BCL9L: variants seen among roughly 807,000 people sequenced by gnomAD.
The protein encoded by BCL9L is B-cell CLL/lymphoma 9-like protein.
Under a neutral mutation model 99.4 loss-of-function variants are expected in BCL9L, and 19 were observed. That is an observed-to-expected ratio of 0.19 (90% CI 0.13 to 0.28). The LOEUF (loss-of-function observed/expected upper bound fraction) is 0.28. BCL9L is among the 10% of genes least tolerant of loss of function. BCL9L has a pLI of 1.00. For missense variants in BCL9L, 2,023 were observed against 2,101.6 expected (o/e 0.96, Z 0.73); for synonymous variants, 900 against 854.8 (o/e 1.05, Z -0.92).
Position 118,898,926 on chromosome 11 carries a change from A to G in BCL9L, c.3989T>C (p.Ile1330Thr). 2 of 1,612,812 alleles carry G rather than the reference A, an allele frequency of 1.2e-6. No individual in the cohort carries two copies. Among genetic ancestry groups the G allele is most frequent in the Non-Finnish European group, 1.7e-6 (2 of 1,179,144 alleles). Residue 1330 changes from isoleucine (I) to threonine (T), a missense_variant, in exon 10 of 10, where the codon ATC (isoleucine) becomes ACC (threonine). Physicochemically the swap from Ile to Thr is moderately conservative, Grantham distance 89. Around this residue, in one of 3 missense-constraint regions of BCL9L, gnomAD observed 902 missense variants for 888.2 expected, o/e 1.02. Coordinates refer to ENST00000683865, the MANE Select transcript of BCL9L (RefSeq NM_001378213.1). ...GGTGCTGCTTGGCTTCTCAGAGGGG[A>G]TGATCCTCGACAAGTCGAACTCGGG... ...GIPEFDLSRI[I>T]PSEKPSSTLQ...
At position 118,902,329 on chromosome 11, in the gene BCL9L, T is replaced by A. The variant is rs956244592; in HGVS notation, c.1414A>T (p.Met472Leu). The A allele has an allele frequency of 6.6e-7, 1 of 1,512,914 alleles. No individual in the cohort carries two copies. 93.7% of individuals were successfully genotyped at this position (1,512,914 alleles called of 1,614,324 possible). ...CCTAGGCTCTGTGTCTGTGAAATCATGGACTGCAAGGGTTCCTCATATTTC... is the reference window on the plus strand; with the variant it reads ...CCTAGGCTCTGTGTCTGTGAAATCAAGGACTGCAAGGGTTCCTCATATTTC... ...LKKYEEPLQS[M>L]ISQTQSLGGP... Residue 472 changes from methionine to leucine, a missense_variant, in exon 8 of 10, where the codon ATG (methionine) becomes TTG (leucine). Coordinates refer to ENST00000683865, the MANE Select transcript of BCL9L (RefSeq NM_001378213.1). The surrounding 1 kb of genome is among the most constrained non-coding windows in gnomAD (Gnocchi z 7.8).
chr11:118,913,587 C>T (rs953971402), intron 2 of BCL9L, among the ~76,000 whole-genome samples: 4 of 152,022 alleles, frequency 2.6e-5, no homozygotes, highest in Admixed American at 2.0e-4. Flanking sequence ...GGGTGGGGGG[C>T]ACAAGGAAAC....
rs1301675663 is a variant in BCL9L, at chr11:118,901,618, C to T, written c.2125G>A (p.Glu709Lys). 1.9e-6 allele frequency: 3 copies of T among 1,614,028 alleles called. No homozygotes were observed. The highest frequency in any genetic ancestry group is 2.5e-6 in the Non-Finnish European group (3 of 1,180,022). ...TGTCGGTGCGCCTGCATCATCCGCT[C>T]CATCTCCATGCTCTGTCCCATGCCA... ...GSGMGQSMEM[E>K]RMMQAHRQMD... The change falls in exon 8 of 10, where the codon GAG (glutamate) becomes AAG (lysine). Residue 709 changes from glutamate to lysine, a missense_variant. Physicochemically the swap from Glu to Lys is moderately conservative, Grantham distance 56. Around this residue, in one of 3 missense-constraint regions of BCL9L, gnomAD observed 1,116 missense variants for 1,194.6 expected, o/e 0.93. Coordinates refer to ENST00000683865, the MANE Select transcript of BCL9L (RefSeq NM_001378213.1). The surrounding 1 kb of genome is among the most constrained non-coding windows in gnomAD (Gnocchi z 6.6).
intron 1 of BCL9L, among the ~76,000 whole-genome samples, chr11:118,920,949 GGAA>G (rs1385120740): frequency 6.6e-6 from 1 of 152,090 alleles, no homozygotes; most frequent in African/African-American, 2.4e-5. Context: ...GAGAGAGGAG[GGAA>G]GAGAAGTGAA....
At chr11:118,910,200 G>A (rs971774572) in intron 2 of BCL9L, 185 bp from the exon 3 acceptor site, 1 of 528,702 alleles carries the variant, frequency 1.9e-6, no homozygotes. Flanking sequence ...CATCCCTCCC[G>A]CACCTTGCCC....
At chr11:118,924,571 C>A (rs1941232940) in intron 1 of BCL9L, among the ~76,000 whole-genome samples, 1 of 152,112 alleles carries the variant, frequency 6.6e-6, no homozygotes, top group African/African-American at 2.4e-5. Context: ...TAGGACCTAC[C>A]CCAGCGCAAC....
Position 118,902,824 on chromosome 11 carries a change from G to T in BCL9L, c.919C>A (p.Pro307Thr). 4 of 1,550,436 alleles carry T rather than the reference G, an allele frequency of 2.6e-6. No homozygotes were observed. The highest frequency in any genetic ancestry group is 3.5e-6 in the Non-Finnish European group (4 of 1,154,966). The change falls in exon 8 of 10, where the codon CCG (proline) becomes ACG (threonine). Residue 307 changes from proline to threonine, a missense_variant. Transcript: ENST00000683865. This position sits in a 1 kb window ranked among gnomAD's most constrained non-coding sequence, Gnocchi z 7.8. ...CCAGGGGCCGGGGGTGGCGGCGGCG[G>T]CAGTGGAGGTGGCTGGGACTGCGGG... ...GTPQSQPPPL[P>T]PPPPPAPGSA...
At chr11:118,923,575 C>A (rs1941203994) in intron 1 of BCL9L, among the ~76,000 whole-genome samples, 1 of 152,170 alleles carries the variant, frequency 6.6e-6, no homozygotes, top group South Asian at 2.1e-4. Context: ...TCTGAACCTC[C>A]ATATGGGCCT....
chr11:118,920,564 C>T (rs1415341352), intron 1 of BCL9L, among the ~76,000 whole-genome samples: 3 of 152,210 alleles, frequency 2.0e-5, no homozygotes, highest in African/African-American at 7.2e-5. Context: ...ATGTGATTGG[C>T]TGTTCCTTGC....
rs1265256917 is a variant in BCL9L, at chr11:118,908,250, G to C, written c.412+20C>G. ...GACTATGGGAGATGCTAGGGTCTTA[G>C]GGATGAGGAAATGGGGTACCTTTGG... On this transcript the variant is annotated intron_variant, in intron 4 of 9. Coordinates refer to ENST00000683865, the MANE Select transcript of BCL9L (RefSeq NM_001378213.1). 4.6e-6 allele frequency: 7 copies of C among 1,533,008 alleles called. No homozygotes were observed. Among genetic ancestry groups the C allele is most frequent in the Non-Finnish European group, 6.1e-6 (7 of 1,140,754 alleles). 95.0% of individuals were successfully genotyped at this position (1,533,008 alleles called of 1,614,324 possible). A position where few individuals can be genotyped will look rare whatever the true frequency, so the allele number is the denominator to read the frequency against.
chr11:118,899,830 A>C, intron 9 of BCL9L, 87 bp downstream of exon 9: 1 of 1,488,360 alleles, frequency 6.7e-7, no homozygotes, highest in Non-Finnish European at 9.0e-7. Context: ...TCAGAGGCAC[A>C]AAAAAGCCAG....
chr11:118,911,784 C>G (rs1389376787), intron 2 of BCL9L, among the ~76,000 whole-genome samples: 2 of 152,268 alleles, frequency 1.3e-5, no homozygotes, highest in African/African-American at 4.8e-5. Flanking sequence ...GCCATGACTG[C>G]TCCTCTGAGC....
chr11:118,902,289 T>C lies in BCL9L; in HGVS notation c.1454A>G (p.Glu485Gly). 1 of 1,582,746 alleles carries C rather than the reference T, an allele frequency of 6.3e-7. No homozygotes were observed. The highest frequency in any genetic ancestry group is 8.6e-7 in the Non-Finnish European group (1 of 1,163,270). Residue 485 changes from glutamate (E) to glycine (G), a missense_variant, in exon 8 of 10, where the codon GAG becomes GGG. Around this residue, in one of 3 missense-constraint regions of BCL9L, gnomAD observed 1,116 missense variants for 1,194.6 expected, o/e 0.93. Coordinates refer to ENST00000683865, the MANE Select transcript of BCL9L (RefSeq NM_001378213.1). This position sits in a 1 kb window ranked among gnomAD's most constrained non-coding sequence, Gnocchi z 7.8. ...CGGGGGGTGCCCAGGCACTTCATGC[T>C]CCAGCGGGGGGCCCCCTAGGCTCTG... ...QTQSLGGPPL[E>G]HEVPGHPPGG...
At chr11:118,907,768 T>C (rs1940588341) in intron 4 of BCL9L, among the ~76,000 whole-genome samples, 166 bp from the exon 5 acceptor site, 1 of 152,198 alleles carries the variant, frequency 6.6e-6, no homozygotes, top group South Asian at 2.1e-4. Flanking sequence ...CGCCACCATT[T>C]GTTTCTGATT....
intron 1 of BCL9L, among the ~76,000 whole-genome samples, chr11:118,924,761 C>G (rs1032106149): frequency 6.6e-6 from 1 of 152,224 alleles, no homozygotes; most frequent in Non-Finnish European, 1.5e-5. Context: ...TCAGTCACAG[C>G]CCCCGCTACT....
Position 118,898,944 on chromosome 11 carries a change from A to T in BCL9L, c.3971T>A (p.Phe1324Tyr). ...IRPTPTGIPE[F>Y]DLSRIIPSEK... ...AGAGGGGATGATCCTCGACAAGTCG[A>T]ACTCGGGGATCCCCGTTGGGGTGGG... is the stretch of plus-strand genomic sequence containing the variant. The change falls in exon 10 of 10, where the codon TTC (phenylalanine) becomes TAC (tyrosine). Residue 1324 changes from phenylalanine (F) to tyrosine (Y), a missense_variant. By Grantham distance (22) the Phe-to-Tyr change is conservative (BLOSUM62 3). Transcript: ENST00000683865. 1.2e-6 allele frequency: 2 copies of T among 1,612,536 alleles called. No individual in the cohort carries two copies. The highest frequency in any genetic ancestry group is 1.7e-6 in the Non-Finnish European group (2 of 1,178,898).
Position 118,901,917 on chromosome 11 carries a change from T to C in BCL9L, c.1826A>G (p.Gln609Arg). The part of the protein sequence containing the change: ...PGPRFPGNQI[Q>R]RVPGFGGMQS... ...CATGCCCCCAAACCCAGGTACCCGT[T>C]GTATCTGGTTGCCTGGGAAACGGGG... The change falls in exon 8 of 10, where the codon CAA becomes CGA. Residue 609 changes from glutamine to arginine, a missense_variant. Gln to Arg is a conservative substitution (Grantham distance 43). This residue lies in a region of BCL9L where 1,116 missense variants were observed against 1,194.6 expected (regional missense o/e 0.93). Transcript: ENST00000683865. This position sits in a 1 kb window ranked among gnomAD's most constrained non-coding sequence, Gnocchi z 6.6. 1 of 1,613,584 alleles carries C rather than the reference T, an allele frequency of 6.2e-7. No homozygotes were observed. Among genetic ancestry groups the C allele is most frequent in the Non-Finnish European group, 8.5e-7 (1 of 1,179,762 alleles).
intron 3 of BCL9L, among the ~76,000 whole-genome samples, chr11:118,909,277 T>C (rs1240883033): frequency 2.0e-5 from 3 of 151,558 alleles, no homozygotes; most frequent in Non-Finnish European, 4.4e-5. Flanking sequence ...GAGCGGTGTG[T>C]CAAGCAGATG....
In BCL9L at chr11:118,899,963, G is replaced by A; in HGVS notation, c.3360C>T (p.Asp1120=). 1.9e-6 allele frequency: 3 copies of A among 1,613,916 alleles called. No individual in the cohort carries two copies. The highest frequency in any genetic ancestry group is 1.1e-5 in the South Asian group (1 of 91,088). ...IATSDDELLP[D]RPLLPPPPPP... ...GTGGTGGGGGGGGCAGCAGGGGCCG[G>A]TCGGGCAGCAGCTCGTCGTCTGAGG... Residue 1120 remains aspartate, a synonymous_variant, in exon 9 of 10, where the codon GAC becomes GAT. Coordinates refer to ENST00000683865, the MANE Select transcript of BCL9L (RefSeq NM_001378213.1).
Sources: allele counts gnomAD v4.1 joint callset (sites outside exome capture counted in the v4.1 genomes callset), GRCh38; gene constraint gnomAD v4.1.1; regional missense constraint gnomAD v4.1.1; non-coding constraint Gnocchi (gnomAD v3.1); transcripts MANE v1.5; gene names NCBI Gene and HGNC (gene_info 2026-07-23, HGNC 2026-07-21).